SULF1: variants seen among roughly 807,000 people sequenced by gnomAD.
SULF1 encodes sulfatase 1.
In SULF1, 46 loss-of-function variants were observed where a neutral mutation model predicts 110.5. That is an observed-to-expected ratio of 0.42 (90% CI 0.33 to 0.53). SULF1 has a LOEUF of 0.53. Ranked by LOEUF, SULF1 falls within the 20% of genes least tolerant of loss-of-function variation. The pLI, the probability that SULF1 is intolerant of heterozygous loss-of-function variation, is 0.12. For synonymous variants in SULF1, 371 were observed against 387.1 expected (o/e 0.96, Z 0.49); for missense variants, 941 against 1,094.2 (o/e 0.86, Z 1.98).
intron 3 of SULF1, among the ~76,000 whole-genome samples, chr8:69,505,786 T>C (rs117240844): frequency 3.4e-3 from 524 of 152,266 alleles, no homozygotes; most frequent in Middle Eastern, 6.8e-3. Context: ...TGATTCCCCT[T>C]ACATATTTTG....
chr8:69,479,428 T>C (rs1809427700), intron 1 of SULF1, among the ~76,000 whole-genome samples: 1 of 152,172 alleles, frequency 6.6e-6, no homozygotes, highest in South Asian at 2.1e-4. Flanking sequence ...GCAGTGTGAA[T>C]GGATTGTAAA....
intron 1 of SULF1, among the ~76,000 whole-genome samples, chr8:69,482,939 A>T (rs1809566133): frequency 1.3e-5 from 2 of 152,194 alleles, no homozygotes; most frequent in Non-Finnish European, 1.5e-5. Flanking sequence ...TTGGATAGAA[A>T]AACTATTCAG....
intron 3 of SULF1, among the ~76,000 whole-genome samples, chr8:69,559,186 AC>A (rs1815311722): frequency 2.0e-5 from 3 of 152,338 alleles, no homozygotes; most frequent in Non-Finnish European, 1.5e-5. Flanking sequence ...TGATACTACA[AC>A]AAAACTTGGC....
At chr8:69,567,715 AT>A (rs568763635) in intron 5 of SULF1, among the ~76,000 whole-genome samples, 18 of 152,180 alleles carry the variant, frequency 1.2e-4, no homozygotes, top group African/African-American at 3.6e-4. Flanking sequence ...TATGTACCAC[AT>A]TTTTTTAACC....
chr8:69,590,526 G>A (rs2130300666), intron 8 of SULF1, among the ~76,000 whole-genome samples: 1 of 152,262 alleles, frequency 6.6e-6, no homozygotes, highest in African/African-American at 2.4e-5. Flanking sequence ...CTGGTCAGTG[G>A]TACACAGATC....
chr8:69,643,718 G>A (rs1032067108), intron 22 of SULF1, among the ~76,000 whole-genome samples: 8 of 152,060 alleles, frequency 5.3e-5, no homozygotes, highest in African/African-American at 1.7e-4. Context: ...TTCCCTGTGT[G>A]TGAAGCAGGA....
intron 3 of SULF1, among the ~76,000 whole-genome samples, chr8:69,514,007 G>A (rs892600630): frequency 5.3e-5 from 8 of 152,208 alleles, no homozygotes; most frequent in Non-Finnish European, 1.2e-4. Context: ...GACTGGTTGT[G>A]TAACCTTGGT....
intron 3 of SULF1, among the ~76,000 whole-genome samples, chr8:69,513,610 T>A (rs1169859436): frequency 1.3e-5 from 2 of 152,184 alleles, no homozygotes; most frequent in African/African-American, 2.4e-5. Context: ...GATATAGGCA[T>A]CAGAAAAGCC....
chr8:69,651,011 A>G (rs1166303443), intron 22 of SULF1, among the ~76,000 whole-genome samples: 2 of 152,072 alleles, frequency 1.3e-5, no homozygotes, highest in East Asian at 1.9e-4. Context: ...GATAGAGCTA[A>G]GAGACACACT....
intron 19 of SULF1, among the ~76,000 whole-genome samples, chr8:69,631,481 A>G (rs1810539280): frequency 6.6e-6 from 1 of 152,218 alleles, no homozygotes; most frequent in Non-Finnish European, 1.5e-5. Context: ...ACCTGACCCC[A>G]GAAGGCTGAG....
chr8:69,611,275 C>T (rs1215031711), intron 13 of SULF1, among the ~76,000 whole-genome samples: 1 of 152,182 alleles, frequency 6.6e-6, no homozygotes, highest in Non-Finnish European at 1.5e-5. Context: ...CAATCATTGG[C>T]CAAGATCAGT....
intron 3 of SULF1, among the ~76,000 whole-genome samples, chr8:69,560,146 G>T (rs895265383): frequency 1.3e-5 from 2 of 152,098 alleles, no homozygotes; most frequent in African/African-American, 4.8e-5. Flanking sequence ...CAAAAGCAAG[G>T]TGCTTTTGAT....
intron 11 of SULF1, 120 bp from the exon 12 acceptor site, chr8:69,603,480 A>G (rs1399240929): frequency 1.5e-6 from 2 of 1,317,108 alleles, no homozygotes; most frequent in Admixed American, 1.7e-5. Flanking sequence ...TAGCATATTG[A>G]TGGAGATGCA....
chr8:69,491,005 C>G (rs1328827528), upstream of SULF1, among the ~76,000 whole-genome samples: 2 of 152,074 alleles, frequency 1.3e-5, no homozygotes, highest in Non-Finnish European at 2.9e-5. Context: ...GAACTTGAGG[C>G]CAAAATTCTT....
intron 13 of SULF1, among the ~76,000 whole-genome samples, chr8:69,609,691 C>T (rs1322791250): frequency 2.0e-5 from 3 of 152,192 alleles, no homozygotes; most frequent in Admixed American, 1.3e-4. Flanking sequence ...AATTGCAAGA[C>T]AGATTTTCCC....
At chr8:69,506,945 A>T (rs1253621783) in intron 3 of SULF1, among the ~76,000 whole-genome samples, 3 of 152,258 alleles carry the variant, frequency 2.0e-5, no homozygotes, top group African/African-American at 7.2e-5. Flanking sequence ...GCAAGTTGGT[A>T]TGAGACATTA....
At chr8:69,640,896 C>A (rs1048446922) in intron 22 of SULF1, 55 bp downstream of exon 22, 2 of 1,552,702 alleles carry the variant, frequency 1.3e-6, no homozygotes, top group East Asian at 2.3e-5. Context: ...ATTGCATGAT[C>A]CAGTGGTTTC....
chr8:69,642,727 G>A (rs1434246904), intron 22 of SULF1, among the ~76,000 whole-genome samples: 1 of 152,194 alleles, frequency 6.6e-6, no homozygotes, highest in Non-Finnish European at 1.5e-5. Context: ...AGATAAAAGG[G>A]TGTTCACAGA....
intron 1 of SULF1, among the ~76,000 whole-genome samples, chr8:69,469,907 T>G (rs1809011572): frequency 6.6e-6 from 1 of 152,082 alleles, no homozygotes; most frequent in Non-Finnish European, 1.5e-5. Context: ...CCAGGCACGG[T>G]GGTGGGCACC....
Sources: allele counts gnomAD v4.1 joint callset (sites outside exome capture counted in the v4.1 genomes callset), GRCh38; gene constraint gnomAD v4.1.1; transcripts MANE v1.5; gene names NCBI Gene and HGNC (gene_info 2026-07-23, HGNC 2026-07-21).